Variants in RNF150 observed in about 807,000 individuals in gnomAD.
The protein encoded by RNF150 is ring finger protein 150.
In RNF150, 24 loss-of-function variants were observed where a neutral mutation model predicts 39.3. The ratio of observed to expected loss-of-function variants is 0.61; its 90% CI spans 0.44 to 0.86. The LOEUF (loss-of-function observed/expected upper bound fraction) is 0.86. RNF150 is among the 40% of genes least tolerant of loss of function. The probability of loss-of-function intolerance (pLI) is 0.00; values close to 1 mark genes in which losing one functional copy is unlikely to be tolerated. For missense variants in RNF150, 502 were observed against 587.8 expected, an observed-to-expected ratio of 0.85 and a Z score of 1.51; for synonymous variants, 255 against 227.3, an observed-to-expected ratio of 1.12 and a Z score of -1.10.
intron 1 of RNF150, among the ~76,000 whole-genome samples, chr4:141,185,159 G>C (rs1010905748): frequency 1.3e-5 from 2 of 152,110 alleles, no homozygotes; most frequent in African/African-American, 4.8e-5. Flanking sequence ...TCCTGTCCAT[G>C]AGCATGGAAT....
At chr4:141,130,472 C>A (rs751544286) in intron 1 of RNF150, among the ~76,000 whole-genome samples, 4 of 152,170 alleles carry the variant, frequency 2.6e-5, no homozygotes, top group Non-Finnish European at 4.4e-5. Context: ...CTCCCACTAT[C>A]TTAATCAAGC....
At chr4:141,048,406 T>C (rs1200727074) in intron 1 of RNF150, among the ~76,000 whole-genome samples, 1 of 152,154 alleles carries the variant, frequency 6.6e-6, no homozygotes, top group African/African-American at 2.4e-5. Flanking sequence ...AGAAGATCCA[T>C]CTTGGCATGC....
intron 5 of RNF150, among the ~76,000 whole-genome samples, chr4:140,923,172 G>C (rs1347893287): frequency 2.6e-5 from 4 of 151,972 alleles, no homozygotes; most frequent in Non-Finnish European, 5.9e-5. Flanking sequence ...CCACCATCAG[G>C]GTGAACAGGC....
chr4:141,044,494 A>G (rs1736488181), intron 1 of RNF150, among the ~76,000 whole-genome samples: 1 of 152,198 alleles, frequency 6.6e-6, no homozygotes, highest in South Asian at 2.1e-4. Flanking sequence ...AATACATAAA[A>G]TTTTAATATC....
At chr4:140,992,451 T>A (rs151221280) in intron 1 of RNF150, among the ~76,000 whole-genome samples, 1 of 151,948 alleles carries the variant, frequency 6.6e-6, no homozygotes, top group African/African-American at 2.4e-5. Flanking sequence ...TAAAACAGAA[T>A]GTTGAACAGT....
intron 1 of RNF150, among the ~76,000 whole-genome samples, chr4:141,077,756 C>A (rs920856536): frequency 3.9e-5 from 6 of 152,210 alleles, no homozygotes; most frequent in African/African-American, 1.4e-4. Context: ...ACAAACAAAT[C>A]AGGATTCTGC....
At chr4:140,900,210 T>C (rs764116025) in intron 6 of RNF150, among the ~76,000 whole-genome samples, 1 of 152,136 alleles carries the variant, frequency 6.6e-6, no homozygotes, top group Non-Finnish European at 1.5e-5. Context: ...CATAGAGCAG[T>C]TGTCTATGGG....
chr4:140,918,971 G>C (rs976983106), intron 5 of RNF150, among the ~76,000 whole-genome samples: 10 of 152,098 alleles, frequency 6.6e-5, no homozygotes, highest in Non-Finnish European at 1.5e-4. Flanking sequence ...AAAGGCCTTT[G>C]ACAAAATTCA....
At chr4:141,078,298 T>G (rs1381641606) in intron 1 of RNF150, among the ~76,000 whole-genome samples, 1 of 152,142 alleles carries the variant, frequency 6.6e-6, no homozygotes, top group Non-Finnish European at 1.5e-5. Flanking sequence ...GCAATCCTTT[T>G]TCTCTCTTCC....
intron 1 of RNF150, among the ~76,000 whole-genome samples, chr4:141,159,391 CCAAA>C (rs1424210372): frequency 2.6e-5 from 4 of 151,988 alleles, no homozygotes; most frequent in East Asian, 1.9e-4. Context: ...TTGCTTTTCC[CCAAA>C]CAATTTAAAA....
At chr4:140,988,364 C>T (rs1199553898) in intron 1 of RNF150, among the ~76,000 whole-genome samples, 1 of 152,094 alleles carries the variant, frequency 6.6e-6, no homozygotes, top group Non-Finnish European at 1.5e-5. Flanking sequence ...TGTCCATCAA[C>T]AGCAGATTGA....
chr4:140,875,876 T>A (rs1356269842), intron 6 of RNF150, among the ~76,000 whole-genome samples: 2 of 152,216 alleles, frequency 1.3e-5, no homozygotes, highest in Non-Finnish European at 2.9e-5. Flanking sequence ...CTTCCCTGAA[T>A]GAGGTTTATT....
At chr4:141,026,312 A>T (rs944874437) in intron 1 of RNF150, among the ~76,000 whole-genome samples, 2 of 152,204 alleles carry the variant, frequency 1.3e-5, no homozygotes, top group African/African-American at 4.8e-5. Context: ...AGAAAAGAAA[A>T]ATGAGTATAT....
At chr4:141,054,101 C>G (rs1736880082) in intron 1 of RNF150, among the ~76,000 whole-genome samples, 1 of 152,122 alleles carries the variant, frequency 6.6e-6, no homozygotes, top group African/African-American at 2.4e-5. Context: ...CTTGTCTAAT[C>G]TATGTCCGTA....
chr4:141,103,900 A>C (rs1306547798), intron 1 of RNF150, among the ~76,000 whole-genome samples: 1 of 152,202 alleles, frequency 6.6e-6, no homozygotes. Flanking sequence ...AAAACACAAA[A>C]GGTCTAGGAA....
At chr4:141,099,625 T>C (rs1278555056) in intron 1 of RNF150, among the ~76,000 whole-genome samples, 1 of 152,056 alleles carries the variant, frequency 6.6e-6, no homozygotes, top group East Asian at 1.9e-4. Flanking sequence ...AGAAACTAAA[T>C]AAGAAAGTAA....
intron 1 of RNF150, among the ~76,000 whole-genome samples, chr4:141,212,162 G>T (rs953436435): frequency 1.3e-5 from 2 of 152,152 alleles, no homozygotes; most frequent in African/African-American, 4.8e-5. Context: ...AGGCAGGCAG[G>T]ATTAAAAGGT....
At chr4:141,149,560 ATT>A (rs1350727242) in intron 1 of RNF150, among the ~76,000 whole-genome samples, 2 of 152,198 alleles carry the variant, frequency 1.3e-5, no homozygotes, top group African/African-American at 4.8e-5. Flanking sequence ...TGCAAATGCC[ATT>A]ATTTTGTTCC....
chr4:141,107,844 A>C (rs1271204072), intron 1 of RNF150, among the ~76,000 whole-genome samples: 1 of 152,196 alleles, frequency 6.6e-6, no homozygotes, highest in African/African-American at 2.4e-5. Flanking sequence ...TTATAGCTAG[A>C]ATATATATAT....
Sources: allele counts gnomAD v4.1 joint callset (sites outside exome capture counted in the v4.1 genomes callset), GRCh38; gene constraint gnomAD v4.1.1; transcripts MANE v1.5; gene names NCBI Gene and HGNC (gene_info 2026-07-23, HGNC 2026-07-21).